The following ATP6V0A1 variants were observed in gnomAD, a reference collection of about 807,000 sequenced individuals.
The protein encoded by ATP6V0A1 is ATPase H+ transporting V0 subunit a1.
Under a neutral mutation model 105.4 loss-of-function variants are expected in ATP6V0A1, and 43 were observed. The observed-to-expected ratio is 0.41, with a 90% confidence interval of 0.32 to 0.53. The LOEUF is 0.53. Among genes scored for constraint, ATP6V0A1 ranks in the 20% least tolerant of loss-of-function variants. The pLI, the probability that ATP6V0A1 is intolerant of heterozygous loss-of-function variation, is 0.30. For synonymous variants in ATP6V0A1, 362 were observed against 372.8 expected (o/e 0.97, Z 0.33); for missense variants, 676 against 1,051.1 (o/e 0.64, Z 4.93).
At chr17:42,488,873 G>C (rs2090360246) in intron 10 of ATP6V0A1, among the ~76,000 whole-genome samples, 1 of 151,568 alleles carries the variant, frequency 6.6e-6, no homozygotes, top group Admixed American at 6.6e-5. Flanking sequence ...AAGTTAGCCA[G>C]GTATGGTGGT....
chr17:42,483,824 C>T (rs192229187), intron 9 of ATP6V0A1, among the ~76,000 whole-genome samples: 26 of 152,258 alleles, frequency 1.7e-4, no homozygotes, highest in African/African-American at 6.0e-4. Flanking sequence ...TCAAGTGATC[C>T]TCCCACCTTG....
At chr17:42,490,749 C>T (rs533044210) in intron 11 of ATP6V0A1, 112 bp downstream of exon 11, 91 of 1,204,906 alleles carry the variant, frequency 7.6e-5, no homozygotes, top group African/African-American at 6.8e-4. Flanking sequence ...AGTGCAGCAG[C>T]ACGACTGTAG....
intron 21 of ATP6V0A1, among the ~76,000 whole-genome samples, chr17:42,517,094 A>G (rs919558463): frequency 6.6e-6 from 1 of 152,186 alleles, no homozygotes; most frequent in Non-Finnish European, 1.5e-5. Context: ...AGCCTGGACA[A>G]CATGGTGAAA....
intron 9 of ATP6V0A1, among the ~76,000 whole-genome samples, chr17:42,486,281 C>T (rs139240948): frequency 2.4e-4 from 36 of 152,026 alleles, no homozygotes; most frequent in East Asian, 1.9e-3. Context: ...CATGGTGGCG[C>T]GCGCCTGTAA....
intron 2 of ATP6V0A1, among the ~76,000 whole-genome samples, chr17:42,464,992 T>TTTA (rs1866337773): frequency 6.6e-6 from 1 of 152,078 alleles, no homozygotes; most frequent in East Asian, 1.9e-4. Context: ...ATTTAATTAA[T>TTTA]TTATTATTAT....
chr17:42,459,405 G>A (rs1023130737), intron 1 of ATP6V0A1, among the ~76,000 whole-genome samples: 1 of 152,190 alleles, frequency 6.6e-6, no homozygotes, highest in Non-Finnish European at 1.5e-5. Context: ...TTCTAGGCAG[G>A]GCGCGGGGGC....
At position 42,521,145 on chromosome 17, in the gene ATP6V0A1, A is replaced by G; in HGVS notation, c.*25A>G. 1.3e-6 allele frequency: 2 copies of G among 1,570,498 alleles called. No homozygotes were observed. Among genetic ancestry groups the G allele is most frequent in the Non-Finnish European group, 1.7e-6 (2 of 1,152,524 alleles). On this transcript the variant is annotated 3_prime_UTR_variant, in exon 22 of 22. Coordinates refer to ENST00000343619, the MANE Select transcript of ATP6V0A1 (RefSeq NM_001130021.3). The surrounding 1 kb of genome is among the most constrained non-coding windows in gnomAD (Gnocchi z 4.8). ...AGTCCCTGTGAGGGCCGTGTGCCCCATGCTACCCTCCCCGCCTCCCTCCAC... is the reference window on the plus strand; with the variant it reads ...AGTCCCTGTGAGGGCCGTGTGCCCCGTGCTACCCTCCCCGCCTCCCTCCAC...
chr17:42,500,423 G>T (rs1400772733), intron 15 of ATP6V0A1, among the ~76,000 whole-genome samples: 2 of 152,210 alleles, frequency 1.3e-5, no homozygotes, highest in Non-Finnish European at 2.9e-5. Context: ...TAAGACTGCG[G>T]TGAGCCAATA....
chr17:42,494,881 A>G lies in ATP6V0A1; in HGVS notation c.1315-153A>G, dbSNP rs531133630. Reference sequence around the variant, plus strand: ...CACATCCTGTGAAAGTGACTGTCTCATTAGCATTGTATTTTGGTTTTTACT... The same window carrying G: ...CACATCCTGTGAAAGTGACTGTCTCGTTAGCATTGTATTTTGGTTTTTACT... On this transcript the variant is annotated intron_variant, in intron 12 of 21. Transcript: ENST00000343619. 3 of 738,074 alleles carry G rather than the reference A, an allele frequency of 4.1e-6. No homozygotes were observed. In the East Asian group the frequency reaches 7.6e-5, roughly 19 times the overall value. 45.7% of individuals were successfully genotyped at this position (738,074 alleles called of 1,614,324 possible).
At chr17:42,477,960 C>T (rs913381667) in intron 6 of ATP6V0A1, among the ~76,000 whole-genome samples, 11 of 151,988 alleles carry the variant, frequency 7.2e-5, no homozygotes, top group African/African-American at 2.7e-4. Context: ...TTAAACCAAC[C>T]CAAATGTCCA....
intron 3 of ATP6V0A1, among the ~76,000 whole-genome samples, chr17:42,466,944 G>A (rs905629581): frequency 1.2e-4 from 19 of 152,058 alleles, no homozygotes; most frequent in Non-Finnish European, 2.1e-4. Context: ...TCAGGAGATC[G>A]AGACCATCCT....
chr17:42,473,551 G>A (rs2088289732), intron 5 of ATP6V0A1, among the ~76,000 whole-genome samples: 1 of 152,182 alleles, frequency 6.6e-6, no homozygotes. Flanking sequence ...TGGCCTTGTA[G>A]TCAGAGCTCA....
chr17:42,470,352 C>T, intron 5 of ATP6V0A1, 134 bp downstream of exon 5: 2 of 1,101,326 alleles, frequency 1.8e-6, no homozygotes, highest in South Asian at 1.4e-5. Flanking sequence ...GTTTTAGTTA[C>T]AGAAATGTGA....
chr17:42,476,532 G>A (rs1234401775), intron 5 of ATP6V0A1, among the ~76,000 whole-genome samples: 2 of 152,182 alleles, frequency 1.3e-5, no homozygotes, highest in East Asian at 3.8e-4. Context: ...AACAAGTATT[G>A]CCTGGGTATT....
At chr17:42,496,235 G>C (rs2091169083) in intron 14 of ATP6V0A1, 1 of 152,332 alleles carries the variant, frequency 6.6e-6, no homozygotes, top group Admixed American at 6.5e-5. Flanking sequence ...GCTTATTTCT[G>C]AGGTGGTTAA....
chr17:42,466,167 A>C (rs1007464985), intron 2 of ATP6V0A1, among the ~76,000 whole-genome samples: 5 of 152,288 alleles, frequency 3.3e-5, no homozygotes, highest in African/African-American at 1.2e-4. Context: ...ACTTTTGCCT[A>C]GGAAGAACAT....
At chr17:42,507,335 G>C in intron 17 of ATP6V0A1, 185 bp from the exon 18 acceptor site, 1 of 533,612 alleles carries the variant, frequency 1.9e-6, no homozygotes, top group Non-Finnish European at 3.4e-6. Context: ...GGCTGGGGCT[G>C]GGGAGGCGGT....
chr17:42,474,579 G>T (rs1598763402), intron 5 of ATP6V0A1, among the ~76,000 whole-genome samples: 1 of 152,158 alleles, frequency 6.6e-6, no homozygotes, highest in South Asian at 2.1e-4. Context: ...CTTTGCATCT[G>T]CACATGCGCG....
At chr17:42,517,224 G>A (rs577148822) in intron 21 of ATP6V0A1, among the ~76,000 whole-genome samples, 1 of 152,236 alleles carries the variant, frequency 6.6e-6, no homozygotes, top group South Asian at 2.1e-4. Context: ...AGGTTGCAGT[G>A]AGCCAAGATC....
Sources: gnomAD v4.1 joint callset for allele counts (sites outside exome capture counted in the v4.1 genomes callset) on GRCh38, gnomAD v4.1.1 for gene constraint, Gnocchi (gnomAD v3.1) non-coding constraint, MANE v1.5 for transcripts, NCBI Gene and HGNC (gene_info 2026-07-23, HGNC 2026-07-21) for gene names.